USP50: variants seen among roughly 807,000 people sequenced by gnomAD.
USP50 encodes the protein ubiquitin specific peptidase 50.
In USP50, 37 loss-of-function variants were observed where a neutral mutation model predicts 39.2. The observed-to-expected ratio is 0.94, with a 90% CI of 0.73 to 1.24. USP50 has a LOEUF of 1.24. USP50 is among the 50% of genes most tolerant of loss of function. The pLI is 0.00. For synonymous variants in USP50, 139 were observed against 144.5 expected (o/e 0.96, Z 0.27); for missense variants, 374 against 398.2 (o/e 0.94, Z 0.52).
At chr15:50,523,102 C>A (rs2052862670) in intron 6 of USP50, among the ~76,000 whole-genome samples, 1 of 150,584 alleles carries the variant, frequency 6.6e-6, no homozygotes, top group Admixed American at 6.7e-5. Flanking sequence ...AAAAACTCCA[C>A]CAAAAAACTG....
intron 6 of USP50, among the ~76,000 whole-genome samples, chr15:50,515,968 T>A (rs76811181): frequency 0.014 from 2,110 of 152,264 alleles, 47 homozygotes; most frequent in African/African-American, 0.048. Flanking sequence ...AGCTAACGTA[T>A]CAATCAAATT....
chr15:50,512,107 G>A (rs1016934875), intron 6 of USP50: 5 of 152,206 alleles, frequency 3.3e-5, no homozygotes, highest in Non-Finnish European at 5.9e-5. Context: ...AGCACTTTGG[G>A]AGGCCAAGGT....
At chr15:50,513,112 A>T (rs2052759122) in intron 6 of USP50, 1 of 152,220 alleles carries the variant, frequency 6.6e-6, no homozygotes, top group South Asian at 2.1e-4. Context: ...AAAAATTAAG[A>T]AGTCTGATGA....
chr15:50,544,170 G>A (rs550101582), intron 2 of USP50, among the ~76,000 whole-genome samples: 3 of 151,954 alleles, frequency 2.0e-5, no homozygotes, highest in South Asian at 2.1e-4. Context: ...GTGAAACCCC[G>A]TCTCTACTAA....
downstream of USP50, chr15:50,497,251 C>G (rs773215813): frequency 1.9e-6 from 3 of 1,578,648 alleles, no homozygotes; most frequent in Non-Finnish European, 2.6e-6. Flanking sequence ...AAAGTTTGTC[C>G]TCCTGTTCAG....
At chr15:50,532,021 A>C (rs2052943920) in intron 5 of USP50, 1 of 421,766 alleles carries the variant, frequency 2.4e-6, no homozygotes, top group African/African-American at 2.1e-5. Flanking sequence ...CCAGAGCCAA[A>C]ACTGCCGAGC....
chr15:50,508,556 G>C (rs2052694439), intron 6 of USP50: 1 of 152,114 alleles, frequency 6.6e-6, no homozygotes. Context: ...TGGACACTCA[G>C]TTTAAAACAT....
chr15:50,544,077 C>T, intron 2 of USP50: 1 of 394,754 alleles, frequency 2.5e-6, no homozygotes, highest in South Asian at 2.9e-5. Context: ...CCTGTAATGC[C>T]AGCACTTTGG....
downstream of USP50, chr15:50,497,316 C>T (rs2141329765): frequency 6.8e-7 from 1 of 1,471,434 alleles, no homozygotes; most frequent in East Asian, 2.4e-5. Context: ...GTTGTACTGC[C>T]TGCCATGGGC....
rs760464160 is a variant in USP50, at chr15:50,538,814, G to T, written c.698C>A (p.Thr233Asn). ...LQCFFQQDAL[T>N]WNNEIHCSFC... ...GGAGCAGTGAATTTCGTTGTTCCAG[G>T]TCAGTGCGTCTTGTTGAAAAAAACA... Residue 233 changes from threonine (T) to asparagine (N), a missense_variant, in exon 5 of 7, where the codon ACC (threonine) becomes AAC (asparagine). By Grantham distance (65) the Thr-to-Asn change is moderately conservative (BLOSUM62 0). Transcript: ENST00000532404. 1.2e-6 allele frequency: 2 copies of T among 1,612,894 alleles called. No individual in the cohort carries two copies. Among genetic ancestry groups the T allele is most frequent in the Non-Finnish European group, 1.7e-6 (2 of 1,179,434 alleles).
chr15:50,521,136 G>A (rs1203819832), intron 6 of USP50, among the ~76,000 whole-genome samples: 1 of 152,138 alleles, frequency 6.6e-6, no homozygotes, highest in Admixed American at 6.5e-5. Context: ...CCACCTCCCT[G>A]GTGCAAGTGA....
chr15:50,534,817 A>G (rs1277077778), intron 5 of USP50, among the ~76,000 whole-genome samples: 3 of 152,152 alleles, frequency 2.0e-5, no homozygotes, highest in Admixed American at 1.3e-4. Context: ...ATTAACATAT[A>G]TGCACCTAAC....
At chr15:50,503,387 G>T (rs757231890) in intron 6 of USP50, 6 of 152,258 alleles carry the variant, frequency 3.9e-5, no homozygotes, top group Non-Finnish European at 8.8e-5. Flanking sequence ...GACTGCCTGG[G>T]CGTAAAGACA....
At chr15:50,540,359 AGAAT>A (rs1253082552) in intron 4 of USP50, among the ~76,000 whole-genome samples, 1 of 152,220 alleles carries the variant, frequency 6.6e-6, no homozygotes, top group Non-Finnish European at 1.5e-5. Flanking sequence ...CTAAGAGTCT[AGAAT>A]GTTTTATATC....
intron 5 of USP50, among the ~76,000 whole-genome samples, chr15:50,532,434 C>T (rs961070716): frequency 6.6e-6 from 1 of 152,132 alleles, no homozygotes; most frequent in South Asian, 2.1e-4. Context: ...GACTGAGCAG[C>T]GCTTGTGAAG....
At chr15:50,493,649 G>T, downstream of USP50, 5 of 378,074 alleles carry the variant, frequency 1.3e-5, 1 homozygote, top group Middle Eastern at 1.9e-3. Flanking sequence ...GGAGGCTAAG[G>T]TGGGAGGATC....
chr15:50,514,764 G>A (rs1324339872), intron 6 of USP50, among the ~76,000 whole-genome samples: 2 of 151,580 alleles, frequency 1.3e-5, no homozygotes, highest in African/African-American at 2.4e-5. Flanking sequence ...TCCTGACTTC[G>A]TGATCTGCTT....
rs2053071105 is a variant in USP50 at position 50,546,383 on chromosome 15, C to T, written c.53+90G>A. On this transcript the variant is annotated intron_variant, in intron 1 of 6. Coordinates refer to ENST00000532404, the MANE Select transcript of USP50 (RefSeq NM_203494.5). ...CATGGGTCACACCTGGGAGAACCCT[C>T]CTGAATGCAGTGTGTGTCCCCTGAC... 4.3e-6 allele frequency: 6 copies of T among 1,398,712 alleles called. No homozygotes were observed. In the South Asian group the frequency reaches 5.8e-5, roughly 14 times the overall value. 86.6% of individuals were successfully genotyped at this position (1,398,712 alleles called of 1,614,324 possible). A position where few individuals can be genotyped will look rare whatever the true frequency, so the allele number is the denominator to read the frequency against.
At chr15:50,493,081 G>C (rs1467552352), downstream of USP50, 7 of 763,700 alleles carry the variant, frequency 9.2e-6, no homozygotes, top group Non-Finnish European at 1.6e-5. Flanking sequence ...GAAGGCCATC[G>C]TCTAGGTGCC....
Sources: allele counts gnomAD v4.1 joint callset (sites outside exome capture counted in the v4.1 genomes callset), GRCh38; gene constraint gnomAD v4.1.1; transcripts MANE v1.5; gene names NCBI Gene and HGNC (gene_info 2026-07-23, HGNC 2026-07-21).